Variants in SSH2 observed in about 807,000 individuals in gnomAD.
SSH2 encodes slingshot protein phosphatase 2.
SSH2 carries 37 observed loss-of-function variants against 135.2 expected under a neutral mutation model. The ratio of observed to expected loss-of-function variants is 0.27; its 90% CI spans 0.21 to 0.36. SSH2 has a LOEUF of 0.36. Among genes scored for constraint, SSH2 ranks in the 10% least tolerant of loss-of-function variants. The probability of loss-of-function intolerance (pLI) is 1.00; values close to 1 mark genes in which losing one functional copy is unlikely to be tolerated. For missense variants in SSH2, 1,408 were observed against 1,765.3 expected (o/e 0.80, Z 3.63); for synonymous variants, 628 against 646.2 (o/e 0.97, Z 0.43).
chr17:29,809,229 G>A (rs1567987198), intron 2 of SSH2, among the ~76,000 whole-genome samples: 1 of 152,184 alleles, frequency 6.6e-6, no homozygotes, highest in African/African-American at 2.4e-5. Flanking sequence ...ACTCCAGCCT[G>A]GGCAACAGAG....
intron 3 of SSH2, among the ~76,000 whole-genome samples, chr17:29,738,094 GGGGCCC>G (rs915880411): frequency 3.7e-4 from 57 of 152,260 alleles, no homozygotes; most frequent in African/African-American, 1.3e-3. Context: ...GACCCCACAA[GGGGCCC>G]GGGTGTGTGA....
chr17:29,655,073 G>A (rs1012227063), intron 12 of SSH2, among the ~76,000 whole-genome samples: 2 of 152,072 alleles, frequency 1.3e-5, no homozygotes, highest in Non-Finnish European at 2.9e-5. Context: ...CTTGGGAGGT[G>A]GGGGGACGAA....
chr17:29,755,292 A>AT (rs1429336353), intron 3 of SSH2, among the ~76,000 whole-genome samples: 3 of 152,084 alleles, frequency 2.0e-5, no homozygotes, highest in Admixed American at 1.3e-4. Flanking sequence ...GCTCATATAT[A>AT]TTTTTTTCTA....
chr17:29,679,243 T>C (rs1296147038), intron 6 of SSH2, among the ~76,000 whole-genome samples: 1 of 152,030 alleles, frequency 6.6e-6, no homozygotes, highest in Non-Finnish European at 1.5e-5. Context: ...TGCCAATCTA[T>C]CTAGAGCGGA....
intron 2 of SSH2, among the ~76,000 whole-genome samples, chr17:29,847,478 G>GT (rs145657605): frequency 6.6e-6 from 1 of 152,074 alleles, no homozygotes; most frequent in Non-Finnish European, 1.5e-5. Context: ...ACCCCCTCAG[G>GT]TTTTTTTGAG....
chr17:29,698,408 G>C (rs566302752), intron 4 of SSH2, among the ~76,000 whole-genome samples: 2 of 152,222 alleles, frequency 1.3e-5, no homozygotes, highest in Admixed American at 6.5e-5. Context: ...AGTATGAGGA[G>C]ACAAAGTGTT....
intron 1 of SSH2, among the ~76,000 whole-genome samples, chr17:29,880,029 AC>A: frequency 6.6e-6 from 1 of 152,356 alleles, no homozygotes; most frequent in Non-Finnish European, 1.5e-5. Flanking sequence ...TACTGTATAC[AC>A]ATGCTGCTAG....
At chr17:29,715,132 G>A (rs1025284754) in intron 3 of SSH2, among the ~76,000 whole-genome samples, 17 of 152,110 alleles carry the variant, frequency 1.1e-4, no homozygotes, top group Non-Finnish European at 2.1e-4. Flanking sequence ...CTCCCAAAGT[G>A]CTGGGATTAC....
chr17:29,692,792 T>G (rs2038544162), intron 5 of SSH2, among the ~76,000 whole-genome samples: 1 of 152,226 alleles, frequency 6.6e-6, no homozygotes, highest in African/African-American at 2.4e-5. Flanking sequence ...CAAGTGTGAT[T>G]CCTGGATCAG....
intron 13 of SSH2, among the ~76,000 whole-genome samples, chr17:29,649,619 C>T (rs1160845067): frequency 1.3e-5 from 2 of 152,056 alleles, no homozygotes; most frequent in Non-Finnish European, 2.9e-5. Context: ...CTCCTGGGCT[C>T]GAGTGATCCT....
At chr17:29,807,694 G>C (rs1258340672) in intron 2 of SSH2, among the ~76,000 whole-genome samples, 2 of 152,168 alleles carry the variant, frequency 1.3e-5, no homozygotes, top group Non-Finnish European at 2.9e-5. Flanking sequence ...GACTAGCTGA[G>C]TTAAAACCCA....
chr17:29,827,884 T>A (rs917824932), intron 2 of SSH2, among the ~76,000 whole-genome samples: 1 of 152,188 alleles, frequency 6.6e-6, no homozygotes, highest in East Asian at 1.9e-4. Context: ...ATCTAATACA[T>A]TTCTTAACCA....
chr17:29,759,042 C>T (rs538970265), intron 3 of SSH2, among the ~76,000 whole-genome samples: 6 of 150,648 alleles, frequency 4.0e-5, no homozygotes, highest in Non-Finnish European at 5.9e-5. Context: ...CTGTGCCTGG[C>T]CTTTTTAATT....
chr17:29,818,549 G>A (rs1436720124), intron 2 of SSH2, among the ~76,000 whole-genome samples: 2 of 151,874 alleles, frequency 1.3e-5, no homozygotes, highest in Admixed American at 6.6e-5. Context: ...CGCCCAGCCC[G>A]CCAAGGGTAT....
At position 29,667,160 on chromosome 17, in the gene SSH2, C is replaced by T. The variant is rs2037312852; in HGVS notation, c.873G>A (p.Gln291=). ...IKTKLREIMM[Q]KDLENITSKE... is the part of the protein sequence containing the mutation. Reference sequence around the variant, plus strand: ...TGGATGTAATATTCTCCAAATCCTTCTGCATCATGATCTCCCTTAATTTGG... The same window carrying T: ...TGGATGTAATATTCTCCAAATCCTTTTGCATCATGATCTCCCTTAATTTGG... The change falls in exon 10 of 16, where the codon CAG becomes CAA. Residue 291 remains glutamine, a synonymous_variant. Transcript: ENST00000540801. 6.2e-7 allele frequency: 1 copy of T among 1,613,742 alleles called. No homozygotes were observed. Among genetic ancestry groups the T allele is most frequent in the Non-Finnish European group, 8.5e-7 (1 of 1,179,752 alleles).
chr17:29,669,246 G>A (rs1337942314), intron 9 of SSH2, among the ~76,000 whole-genome samples: 5 of 151,034 alleles, frequency 3.3e-5, no homozygotes, highest in South Asian at 2.1e-4. Context: ...GTGAGACTCC[G>A]TCTCAAAAAA....
intron 1 of SSH2, among the ~76,000 whole-genome samples, chr17:29,909,270 T>C (rs2066721055): frequency 6.6e-6 from 1 of 152,054 alleles, no homozygotes; most frequent in African/African-American, 2.4e-5. Context: ...ACTAGACCTG[T>C]CCCCCTTTTT....
At chr17:29,819,166 T>C (rs1292452031) in intron 2 of SSH2, among the ~76,000 whole-genome samples, 1 of 151,716 alleles carries the variant, frequency 6.6e-6, no homozygotes, top group Non-Finnish European at 1.5e-5. Context: ...GTGGAGGTTG[T>C]GGTGAGCCAA....
chr17:29,859,909 C>T (rs147408608), intron 1 of SSH2, among the ~76,000 whole-genome samples: 68 of 152,138 alleles, frequency 4.5e-4, no homozygotes, highest in Middle Eastern at 3.4e-3. Flanking sequence ...TGCAATGGCA[C>T]GACCTTGGCT....
Sources: gnomAD v4.1 joint callset for allele counts (sites outside exome capture counted in the v4.1 genomes callset) on GRCh38, gnomAD v4.1.1 for gene constraint, MANE v1.5 for transcripts, NCBI Gene and HGNC (gene_info 2026-07-23, HGNC 2026-07-21) for gene names.